Variants in HCFC2 observed in about 807,000 individuals in gnomAD.
HCFC2 encodes the protein host cell factor C2.
A neutral mutation model predicts 89.2 loss-of-function variants in HCFC2; 18 were observed. That is an observed-to-expected ratio of 0.20 (90% CI 0.14 to 0.30). The LOEUF (loss-of-function observed/expected upper bound fraction) is 0.30. HCFC2 is among the 10% of genes least tolerant of loss of function. The probability of loss-of-function intolerance (pLI) is 1.00; values close to 1 mark genes in which losing one functional copy is unlikely to be tolerated. For missense variants in HCFC2, 578 were observed against 956.1 expected, an observed-to-expected ratio of 0.60 and a Z score of 5.21; for synonymous variants, 308 against 335.7, an observed-to-expected ratio of 0.92 and a Z score of 0.90.
intron 7 of HCFC2, among the ~76,000 whole-genome samples, chr12:104,086,619 A>AAAAT (rs58372181): frequency 0.35 from 51,805 of 146,256 alleles, 9,301 homozygotes; most frequent in Middle Eastern, 0.4. Flanking sequence ...TTTGTCTAAG[A>AAAAT]AAATAAATAA....
intron 7 of HCFC2, 116 bp from the exon 8 acceptor site, chr12:104,086,720 CCCTGTCTTGGT>C (rs1305972462): frequency 1.5e-6 from 1 of 648,320 alleles, no homozygotes; most frequent in Non-Finnish European, 2.5e-6. Flanking sequence ...AGTAAACTTT[CCCTGTCTTGGT>C]AAGCAGATGA....
At chr12:104,093,106 T>G (rs922425637) in intron 9 of HCFC2, among the ~76,000 whole-genome samples, 2 of 152,224 alleles carry the variant, frequency 1.3e-5, no homozygotes, top group African/African-American at 2.4e-5. Flanking sequence ...TGATACTAGC[T>G]ATCACTTACT....
At chr12:104,083,887 A>C (rs1883755773) in intron 7 of HCFC2, among the ~76,000 whole-genome samples, 1 of 152,040 alleles carries the variant, frequency 6.6e-6, no homozygotes, top group African/African-American at 2.4e-5. Context: ...AGCCAGGCAC[A>C]GTGGCTCATG....
Position 104,095,384 on chromosome 12 carries a change from G to A in HCFC2, c.1487G>A (p.Gly496Asp). The A allele has an allele frequency of 1.2e-6, 2 of 1,613,154 alleles. No homozygotes were observed. The highest frequency in any genetic ancestry group is 1.7e-6 in the Non-Finnish European group (2 of 1,179,356). Reference protein sequence around the residue: ...NEGPHTSANVGVLSSCLDVRT... With the variant: ...NEGPHTSANVDVLSSCLDVRT... ...GGTCCTCACACTTCAGCAAATGTAG[G>A]TGTTCTAAGTAGTTGCCTGGATGTA... The change falls in exon 11 of 15, where the codon GGT becomes GAT. Residue 496 changes from glycine to aspartate, a missense_variant. Around this residue, in one of 4 missense-constraint regions of HCFC2, gnomAD observed 210 missense variants for 251.7 expected, o/e 0.83. Transcript: ENST00000229330. This position sits in a 1 kb window ranked among gnomAD's most constrained non-coding sequence, Gnocchi z 4.2.
At chr12:104,084,131 C>G (rs1337485920) in intron 7 of HCFC2, among the ~76,000 whole-genome samples, 1 of 152,210 alleles carries the variant, frequency 6.6e-6, no homozygotes, top group Admixed American at 6.5e-5. Context: ...AGGAATTGTT[C>G]TAAATGCTGA....
rs1019394995 is a variant in HCFC2 at position 104,103,352 on chromosome 12, T to C, written c.*79T>C. ...TATGAAGATTTGTCATTTAAAAGAG[T>C]ATTCTCTGGCTGTATTTCCAGCAGT... is the stretch of plus-strand genomic sequence containing the variant. On this transcript the variant is annotated 3_prime_UTR_variant, in exon 15 of 15. Coordinates refer to ENST00000229330, the MANE Select transcript of HCFC2 (RefSeq NM_013320.3). The C allele has an allele frequency of 1.2e-5, 14 of 1,186,494 alleles. No individual in the cohort carries two copies. In the African/African-American group the frequency reaches 1.8e-4, roughly 16 times the overall value. 73.5% of individuals were successfully genotyped at this position (1,186,494 alleles called of 1,614,324 possible). A position where few individuals can be genotyped will look rare whatever the true frequency, so the allele number is the denominator to read the frequency against.
intron 13 of HCFC2, among the ~76,000 whole-genome samples, chr12:104,099,036 G>C (rs1406089776): frequency 1.3e-5 from 2 of 152,060 alleles, no homozygotes; most frequent in Admixed American, 1.3e-4. Context: ...GAGACTGGAT[G>C]GCTCAAGGTT....
At chr12:104,094,277 A>C (rs1884113704) in intron 10 of HCFC2, among the ~76,000 whole-genome samples, 1 of 152,220 alleles carries the variant, frequency 6.6e-6, no homozygotes, top group Non-Finnish European at 1.5e-5. Context: ...ATTTAAATGT[A>C]ATCTCCAAAA....
intron 3 of HCFC2, among the ~76,000 whole-genome samples, chr12:104,072,922 G>A (rs1421050194): frequency 1.3e-5 from 2 of 151,994 alleles, no homozygotes; most frequent in Non-Finnish European, 2.9e-5. Context: ...GGGATTACAG[G>A]TGTGAGCCAC....
intron 3 of HCFC2, among the ~76,000 whole-genome samples, chr12:104,075,676 T>A (rs1883472147): frequency 6.6e-6 from 1 of 152,174 alleles, no homozygotes; most frequent in African/African-American, 2.4e-5. Context: ...TCCAGGCTGG[T>A]CTTGAACTCC....
At chr12:104,088,423 A>G (rs984755219) in intron 9 of HCFC2, among the ~76,000 whole-genome samples, 1 of 152,256 alleles carries the variant, frequency 6.6e-6, no homozygotes, top group African/African-American at 2.4e-5. Context: ...AAACATCTAA[A>G]GATGTACTTT....
intron 3 of HCFC2, among the ~76,000 whole-genome samples, chr12:104,077,274 G>A (rs1246606307): frequency 6.6e-6 from 1 of 150,864 alleles, no homozygotes; most frequent in South Asian, 2.1e-4. Context: ...ACGGAGTCTC[G>A]TTGTGTCACC....
intron 1 of HCFC2, 32 bp from the exon 2 acceptor site, chr12:104,066,135 A>G (rs772407881): frequency 6.8e-5 from 109 of 1,605,566 alleles, no homozygotes; most frequent in Middle Eastern, 4.9e-4. Flanking sequence ...GTTGTTTGTT[A>G]TAATCGGTTT....
chr12:104,079,264 A>G (rs967238268), intron 3 of HCFC2, among the ~76,000 whole-genome samples, 181 bp from the exon 4 acceptor site: 3 of 152,184 alleles, frequency 2.0e-5, no homozygotes, highest in African/African-American at 7.2e-5. Flanking sequence ...TGCCTGGTAC[A>G]TAGTAGTGTT....
Position 104,106,337 on chromosome 12 carries a change from CATT to C in HCFC2, c.*3069_*3071del, listed in dbSNP as rs2030083647. ...TCATTTGTAACATTGGATATGAAGA[CATT>C]ATTAGTATTTAAAATTATTGTAGTC... is the stretch of plus-strand genomic sequence containing the variant. On this transcript the variant is annotated 3_prime_UTR_variant, in exon 15 of 15. Transcript: ENST00000229330. The C allele has an allele frequency of 6.6e-6, 1 of 152,044 alleles. No individual in the cohort carries two copies. Among genetic ancestry groups the C allele is most frequent in the South Asian group, 2.1e-4 (1 of 4,826 alleles). 9.4% of individuals were successfully genotyped at this position (152,044 alleles called of 1,614,324 possible). A position where few individuals can be genotyped will look rare whatever the true frequency, so the allele number is the denominator to read the frequency against.
At chr12:104,076,886 C>T (rs757887277) in intron 3 of HCFC2, among the ~76,000 whole-genome samples, 5 of 152,208 alleles carry the variant, frequency 3.3e-5, no homozygotes, top group South Asian at 2.1e-4. Context: ...CACTCTGCTT[C>T]GTTGCCTTTC....
chr12:104,069,187 G>A (rs1448701856), intron 3 of HCFC2, among the ~76,000 whole-genome samples: 1 of 152,098 alleles, frequency 6.6e-6, no homozygotes, highest in Non-Finnish European at 1.5e-5. Context: ...CGCGCCTGTG[G>A]TCACAGCTAC....
intron 13 of HCFC2, among the ~76,000 whole-genome samples, chr12:104,100,426 A>G (rs2029902158): frequency 6.6e-6 from 1 of 151,852 alleles, no homozygotes; most frequent in Non-Finnish European, 1.5e-5. Context: ...AAAAATAAAG[A>G]AGTTTTCTGG....
At chr12:104,070,398 G>C (rs1883285048) in intron 3 of HCFC2, among the ~76,000 whole-genome samples, 1 of 152,062 alleles carries the variant, frequency 6.6e-6, no homozygotes, top group Non-Finnish European at 1.5e-5. Flanking sequence ...ATAGTGTTTT[G>C]ATCACATTGT....
Sources: allele counts gnomAD v4.1 joint callset (sites outside exome capture counted in the v4.1 genomes callset), GRCh38; gene constraint gnomAD v4.1.1; regional missense constraint gnomAD v4.1.1; non-coding constraint Gnocchi (gnomAD v3.1); transcripts MANE v1.5; gene names NCBI Gene and HGNC (gene_info 2026-07-23, HGNC 2026-07-21).